DCAF8: variants seen among roughly 807,000 people sequenced by gnomAD.
DCAF8 encodes DDB1- and CUL4-associated factor 8.
DCAF8 carries 20 observed loss-of-function variants against 68.0 expected under a neutral mutation model. The observed-to-expected ratio is 0.29, with a 90% CI of 0.21 to 0.43. DCAF8 has a LOEUF of 0.43. DCAF8 is among the 20% of genes least tolerant of loss of function. The pLI is 1.00. For synonymous variants in DCAF8, 230 were observed against 276.9 expected, an observed-to-expected ratio of 0.83 and a Z score of 1.68; for missense variants, 460 against 771.0, an observed-to-expected ratio of 0.60 and a Z score of 4.78.
intron 7 of DCAF8, among the ~76,000 whole-genome samples, chr1:160,227,423 C>T (rs768528751): frequency 2.0e-5 from 3 of 152,198 alleles, no homozygotes; most frequent in Non-Finnish European, 4.4e-5. Flanking sequence ...CACCACCATG[C>T]TGAGCTAATA....
intron 3 of DCAF8, among the ~76,000 whole-genome samples, chr1:160,243,003 G>T (rs143046842): frequency 2.4e-4 from 37 of 152,264 alleles, no homozygotes; most frequent in Non-Finnish European, 5.3e-4. Flanking sequence ...CAATAAAAAA[G>T]CATGTTGAAA....
Position 160,216,339 on chromosome 1 carries a change from G to A in DCAF8, c.*1253C>T, listed in dbSNP as rs1044005115. ...TGTGGTGTGTGTGTACATGTCTTCT[G>A]TCACAAAGTACCACAATAGTCTGCA... On this transcript the variant is annotated 3_prime_UTR_variant, in exon 14 of 14. Transcript: ENST00000368074. 6.6e-6 allele frequency: 1 copy of A among 152,100 alleles called. No homozygotes were observed. Among genetic ancestry groups the A allele is most frequent in the Non-Finnish European group, 1.5e-5 (1 of 68,036 alleles). The allele number at this position is 152,100 out of a possible 1,614,324, so 9.4% of individuals were successfully genotyped here.
chr1:160,250,236 G>A (rs1656521954), intron 2 of DCAF8, among the ~76,000 whole-genome samples: 2 of 152,148 alleles, frequency 1.3e-5, no homozygotes, highest in Admixed American at 6.5e-5. Context: ...GGCCAAGGCG[G>A]GCAGATCACC....
At chr1:160,229,128 C>G in intron 7 of DCAF8, among the ~76,000 whole-genome samples, 1 of 152,090 alleles carries the variant, frequency 6.6e-6, no homozygotes, top group East Asian at 1.9e-4. Context: ...AAAACCGTAT[C>G]TCTACTAAAA....
chr1:160,251,443 C>A (rs1656589441), intron 2 of DCAF8, among the ~76,000 whole-genome samples: 1 of 152,136 alleles, frequency 6.6e-6, no homozygotes, highest in African/African-American at 2.4e-5. Context: ...AGCCTACTTG[C>A]CTTCCACACT....
chr1:160,250,865 C>A (rs1328328261), intron 2 of DCAF8, among the ~76,000 whole-genome samples: 10 of 151,816 alleles, frequency 6.6e-5, no homozygotes, highest in Non-Finnish European at 2.9e-5. Context: ...TTTTAAATTT[C>A]TCTGAATTTC....
chr1:160,244,309 C>A (rs1434404492), intron 2 of DCAF8, among the ~76,000 whole-genome samples: 1 of 152,042 alleles, frequency 6.6e-6, no homozygotes, highest in East Asian at 1.9e-4. Flanking sequence ...TTTTCAGATG[C>A]GAAAGTGGGA....
At chr1:160,225,783 C>A in intron 7 of DCAF8, 120 bp from the exon 8 acceptor site, 1 of 732,250 alleles carries the variant, frequency 1.4e-6, no homozygotes, top group Non-Finnish European at 2.3e-6. Context: ...TTTTCCAAAC[C>A]AAGCTTTTGG....
intron 3 of DCAF8, among the ~76,000 whole-genome samples, chr1:160,240,873 G>GA (rs758992854): frequency 2.0e-5 from 3 of 152,138 alleles, no homozygotes; most frequent in Non-Finnish European, 4.4e-5. Flanking sequence ...CCTACTTTAA[G>GA]AAAGTATCAG....
At chr1:160,240,665 A>G (rs1323744717) in intron 3 of DCAF8, among the ~76,000 whole-genome samples, 1 of 152,248 alleles carries the variant, frequency 6.6e-6, no homozygotes, top group Non-Finnish European at 1.5e-5. Flanking sequence ...GGCATATTGT[A>G]TAAAAGTGTG....
chr1:160,257,537 C>T (rs1045650178), intron 2 of DCAF8, among the ~76,000 whole-genome samples: 1 of 152,176 alleles, frequency 6.6e-6, no homozygotes, highest in East Asian at 1.9e-4. Context: ...ACTCAAGATC[C>T]CAGTCTTTCA....
At chr1:160,241,698 T>C (rs1370119961) in intron 3 of DCAF8, among the ~76,000 whole-genome samples, 1 of 152,170 alleles carries the variant, frequency 6.6e-6, no homozygotes, top group Non-Finnish European at 1.5e-5. Context: ...CAGATGGCTA[T>C]AAATTTTATC....
chr1:160,247,420 C>T (rs1389824610), intron 2 of DCAF8, among the ~76,000 whole-genome samples: 1 of 152,144 alleles, frequency 6.6e-6, no homozygotes, highest in Non-Finnish European at 1.5e-5. Flanking sequence ...AAAAACCAGG[C>T]AGAAAGACTT....
chr1:160,230,503 C>T (rs1482574472), intron 7 of DCAF8, among the ~76,000 whole-genome samples: 2 of 151,988 alleles, frequency 1.3e-5, no homozygotes, highest in East Asian at 3.9e-4. Context: ...AAGGTGTTCA[C>T]GGTAACAAAG....
intron 7 of DCAF8, among the ~76,000 whole-genome samples, chr1:160,231,003 C>A (rs1655661520): frequency 6.6e-6 from 1 of 151,896 alleles, no homozygotes; most frequent in Admixed American, 6.6e-5. Flanking sequence ...GATCCACCCG[C>A]CTCACCTCCC....
At chr1:160,219,672 C>T (rs1017250895) in intron 11 of DCAF8, 1 of 152,212 alleles carries the variant, frequency 6.6e-6, no homozygotes, top group Non-Finnish European at 1.5e-5. Flanking sequence ...CAGCCACCCT[C>T]TGGGTAAATT....
intron 6 of DCAF8, among the ~76,000 whole-genome samples, chr1:160,231,925 T>A (rs1038568974): frequency 6.6e-6 from 1 of 152,192 alleles, no homozygotes; most frequent in Non-Finnish European, 1.5e-5. Context: ...GTATGGTGGC[T>A]CATGCCTGTA....
chr1:160,236,576 G>A (rs1489870735), intron 6 of DCAF8, among the ~76,000 whole-genome samples: 3 of 152,132 alleles, frequency 2.0e-5, no homozygotes, highest in Non-Finnish European at 4.4e-5. Flanking sequence ...AGTAGTGCCT[G>A]ATTTGAGATT....
At chr1:160,246,012 C>A (rs1656309323) in intron 2 of DCAF8, among the ~76,000 whole-genome samples, 1 of 152,114 alleles carries the variant, frequency 6.6e-6, no homozygotes, top group South Asian at 2.1e-4. Context: ...GTGGCACATG[C>A]CTGTAATCCC....
Sources: allele counts gnomAD v4.1 joint callset (sites outside exome capture counted in the v4.1 genomes callset), GRCh38; gene constraint gnomAD v4.1.1; transcripts MANE v1.5; gene names NCBI Gene and HGNC (gene_info 2026-07-23, HGNC 2026-07-21).